The following PCOLCE2 variants were observed in gnomAD, a reference collection of about 807,000 sequenced individuals.
PCOLCE2 encodes the protein procollagen C-endopeptidase enhancer 2, also known as procollagen C-proteinase enhancer 2.
Under a neutral mutation model 47.0 loss-of-function variants are expected in PCOLCE2, and 42 were observed. That is an observed-to-expected ratio of 0.89 (90% CI 0.70 to 1.16). The LOEUF (loss-of-function observed/expected upper bound fraction) is 1.16, where lower values mean the gene tolerates loss of function less well. Ranked by LOEUF, PCOLCE2 falls within the 50% of genes most tolerant of loss-of-function variation. PCOLCE2 has a pLI of 0.00. For synonymous variants in PCOLCE2, 169 were observed against 191.7 expected (o/e 0.88, Z 0.98); for missense variants, 500 against 526.1 (o/e 0.95, Z 0.49).
In PCOLCE2 at chr3:142,828,278, G is replaced by A. The variant is rs546993450; in HGVS notation, c.865+1414C>T. On this transcript the variant is annotated intron_variant, in intron 6 of 8. Transcript: ENST00000295992. ...GAGAGGCTGGGGACAAAGTGTGAAG[G>A]GTCTGACACACCACGGGAAGGGGTT... 4.6e-5 allele frequency among the ~76,000 whole-genome samples: 7 copies of A among 152,316 alleles called. No individual in the cohort carries two copies. The South Asian group carries it at 1.4e-3, about 32-fold the overall frequency.
intron 2 of PCOLCE2, among the ~76,000 whole-genome samples, chr3:142,877,692 TGTCAGTCTGACTCTCCAA>T (rs1933527804): frequency 1.3e-5 from 2 of 152,238 alleles, no homozygotes; most frequent in South Asian, 4.1e-4. Context: ...ATTTGAACTA[TGTCAGTCTGACTCTCCAA>T]TGCCCATTCT....
chr3:142,836,196 A>G (rs1389269123), intron 5 of PCOLCE2, among the ~76,000 whole-genome samples: 1 of 152,194 alleles, frequency 6.6e-6, no homozygotes, highest in Non-Finnish European at 1.5e-5. Flanking sequence ...ATCGGAGACT[A>G]TCCGTTCCTT....
chr3:142,853,101 T>TAA lies in PCOLCE2; in HGVS notation c.193-4631_193-4630dup, dbSNP rs372555197. Among the ~76,000 whole-genome samples, 291 of 130,016 alleles carry TAA rather than the reference T, an allele frequency of 2.2e-3. 2 individuals are homozygous for TAA. The highest frequency in any genetic ancestry group is 0.014 in the South Asian group (59 of 4,076). 85.3% of individuals were successfully genotyped at this position (130,016 alleles called of 152,430 possible). On this transcript the variant is annotated intron_variant, in intron 2 of 8. Coordinates refer to ENST00000295992, the MANE Select transcript of PCOLCE2 (RefSeq NM_013363.4). ...CTGGAGAATAGAGAGAGACCCTGTT[T>TAA]AAAAAAAAAAAAAAAAGGGAAAATG...
intron 5 of PCOLCE2, among the ~76,000 whole-genome samples, chr3:142,837,032 G>C (rs1303401879): frequency 1.3e-5 from 2 of 152,176 alleles, no homozygotes; most frequent in African/African-American, 4.8e-5. Context: ...ACCTAGGTAG[G>C]CCCTAAATGT....
chr3:142,827,563 G>C, intron 6 of PCOLCE2: 1 of 1,474,372 alleles, frequency 6.8e-7, no homozygotes, highest in Non-Finnish European at 9.5e-7. Context: ...TGCCCACAGG[G>C]AGCACACTGC....
intron 2 of PCOLCE2, among the ~76,000 whole-genome samples, chr3:142,870,706 A>ATTTTTTTTTTTTTTTTTTTTTTTTTTT (rs200280430): frequency 1.5e-5 from 2 of 135,386 alleles, no homozygotes; most frequent in African/African-American, 2.8e-5. Context: ...GAATGAGGCA[A>ATTTTTTTTTTTTTTTTTTTTTTTTTTT]TTTTTTTTTT....
rs1937278411 is a variant in PCOLCE2, at chr3:142,842,784, T to C, written c.573+140A>G. On this transcript the variant is annotated intron_variant, in intron 4 of 8. Coordinates refer to ENST00000295992, the MANE Select transcript of PCOLCE2 (RefSeq NM_013363.4). The surrounding 1 kb of genome is among the most constrained non-coding windows in gnomAD (Gnocchi z 4.1). ...TGGGGTCTTCGCATGAAGAAATACC[T>C]GTGTCCAGGAACCTTCCTCTTCTTG... is the stretch of plus-strand genomic sequence containing the variant. 4 of 757,340 alleles carry C rather than the reference T, an allele frequency of 5.3e-6. No homozygotes were observed. The highest frequency in any genetic ancestry group is 8.7e-6 in the Non-Finnish European group (4 of 461,552). 46.9% of individuals were successfully genotyped at this position (757,340 alleles called of 1,614,324 possible). A position where few individuals can be genotyped will look rare whatever the true frequency, so the allele number is the denominator to read the frequency against.
intron 5 of PCOLCE2, among the ~76,000 whole-genome samples, chr3:142,835,949 T>G (rs1937198409): frequency 6.6e-6 from 1 of 152,242 alleles, no homozygotes; most frequent in Non-Finnish European, 1.5e-5. Context: ...TGCTTTGTCA[T>G]GCTTTTGAAA....
intron 2 of PCOLCE2, among the ~76,000 whole-genome samples, chr3:142,872,320 G>A (rs1262713135): frequency 6.6e-6 from 1 of 151,978 alleles, no homozygotes; most frequent in Admixed American, 6.6e-5. Context: ...TTTTGACTGC[G>A]CTATTTTCTA....
intron 6 of PCOLCE2, chr3:142,827,483 G>A: frequency 6.6e-7 from 1 of 1,509,970 alleles, no homozygotes. Context: ...GTTCCCTGAT[G>A]CCCAGGACAG....
chr3:142,838,840 C>A lies in PCOLCE2; in HGVS notation c.640G>T (p.Ala214Ser). The A allele has an allele frequency of 6.2e-7, 1 of 1,613,138 alleles. No homozygotes were observed. Among genetic ancestry groups the A allele is most frequent in the Non-Finnish European group, 8.5e-7 (1 of 1,179,112 alleles). The change falls in exon 5 of 9, where the codon GCT becomes TCT. Residue 214 changes from alanine (A) to serine (S), a missense_variant. Ala to Ser is a moderately conservative substitution (Grantham distance 99). Coordinates refer to ENST00000295992, the MANE Select transcript of PCOLCE2 (RefSeq NM_013363.4). ...TTGACTTCCCCGCCATTAAACACAG[C>A]CACATAATCATATCGGCAGTAGTTA... ...RDNYCRYDYV[A>S]VFNGGEVNDA...
At chr3:142,850,483 T>A (rs1937377322) in intron 2 of PCOLCE2, among the ~76,000 whole-genome samples, 1 of 152,008 alleles carries the variant, frequency 6.6e-6, no homozygotes, top group South Asian at 2.1e-4. Flanking sequence ...TGTGAAGAGG[T>A]CAAACCACAA....
At chr3:142,822,683 T>C (rs1265844306) in intron 7 of PCOLCE2, among the ~76,000 whole-genome samples, 1 of 152,154 alleles carries the variant, frequency 6.6e-6, no homozygotes. Context: ...TTTATGCCAG[T>C]TATTTGAATT....
intron 2 of PCOLCE2, among the ~76,000 whole-genome samples, chr3:142,861,813 T>C (rs1933187913): frequency 6.6e-6 from 1 of 152,188 alleles, no homozygotes; most frequent in Non-Finnish European, 1.5e-5. Context: ...TTGTCACCAG[T>C]GTGATGGGGA....
chr3:142,847,289 C>A (rs1224859133), intron 3 of PCOLCE2, among the ~76,000 whole-genome samples: 1 of 152,148 alleles, frequency 6.6e-6, no homozygotes, highest in Non-Finnish European at 1.5e-5. Flanking sequence ...ATATTTTGTG[C>A]CTCAATTCTG....
chr3:142,846,353 A>G (rs138528544), intron 3 of PCOLCE2, among the ~76,000 whole-genome samples: 365 of 152,234 alleles, frequency 2.4e-3, no homozygotes, highest in African/African-American at 8.6e-3. Flanking sequence ...GTGCACCACC[A>G]TGCCTGGCTA....
At chr3:142,843,923 T>C (rs1390570396) in intron 3 of PCOLCE2, among the ~76,000 whole-genome samples, 1 of 152,180 alleles carries the variant, frequency 6.6e-6, no homozygotes, top group Non-Finnish European at 1.5e-5. Flanking sequence ...AATCTCCATT[T>C]AATGAAAAAT....
rs1937125667 is a variant in PCOLCE2, at chr3:142,829,837, C to T, written c.720G>A (p.Val240=). 1.9e-6 allele frequency: 3 copies of T among 1,565,186 alleles called. No homozygotes were observed. The Admixed American group carries it at 5.6e-5, about 29-fold the overall frequency. Residue 240 remains valine (V), a synonymous_variant, in exon 6 of 9, where the codon GTG becomes GTA. Coordinates refer to ENST00000295992, the MANE Select transcript of PCOLCE2 (RefSeq NM_013363.4). Reference sequence around the variant, plus strand: ...GAATAAGAAGTTCATTTCTCTCAGACACAATTGGCCTAAAAAAAGAAAAAT... The same window carrying T: ...GAATAAGAAGTTCATTTCTCTCAGATACAATTGGCCTAAAAAAAGAAAAAT... ...YCGDSPPAPI[V]SERNELLIQF... is the part of the protein sequence containing the mutation.
intron 5 of PCOLCE2, among the ~76,000 whole-genome samples, chr3:142,831,723 T>C (rs1010311546): frequency 3.0e-4 from 46 of 152,310 alleles, no homozygotes; most frequent in African/African-American, 1.0e-3. Flanking sequence ...AAAGCACTTA[T>C]AAGCAGCAAA....
Sources: allele counts gnomAD v4.1 joint callset (sites outside exome capture counted in the v4.1 genomes callset), GRCh38; gene constraint gnomAD v4.1.1; non-coding constraint Gnocchi (gnomAD v3.1); transcripts MANE v1.5; gene names NCBI Gene and HGNC (gene_info 2026-07-23, HGNC 2026-07-21).